SLC30A8: variants seen among roughly 807,000 people sequenced by gnomAD.
The protein encoded by SLC30A8 is proton-coupled zinc antiporter SLC30A8.
In SLC30A8, 27 loss-of-function variants were observed where a neutral mutation model predicts 36.9. The ratio of observed to expected loss-of-function variants is 0.73; its 90% CI spans 0.54 to 1.01. SLC30A8 has a LOEUF of 1.01. Among genes scored for constraint, SLC30A8 ranks in the 50% least tolerant of loss-of-function variants. The probability of loss-of-function intolerance (pLI) is 0.00; values close to 1 mark genes in which losing one functional copy is unlikely to be tolerated. For missense variants in SLC30A8, 439 were observed against 452.0 expected, an observed-to-expected ratio of 0.97 and a Z score of 0.26; for synonymous variants, 164 against 172.4, an observed-to-expected ratio of 0.95 and a Z score of 0.38.
At chr8:117,031,154 C>T (rs1325215506) in intron 1 of SLC30A8, among the ~76,000 whole-genome samples, 1 of 152,160 alleles carries the variant, frequency 6.6e-6, no homozygotes, top group Non-Finnish European at 1.5e-5. Context: ...CATAAAGCCT[C>T]TTATCAAGAA....
At chr8:116,961,155 C>A (rs558659451) in intron 1 of SLC30A8, among the ~76,000 whole-genome samples, 5 of 152,154 alleles carry the variant, frequency 3.3e-5, no homozygotes, top group African/African-American at 1.2e-4. Context: ...ATGGGCCAGG[C>A]GCGGTGGCTC....
intron 1 of SLC30A8, among the ~76,000 whole-genome samples, chr8:117,013,955 C>T (rs376502348): frequency 6.6e-6 from 1 of 151,906 alleles, no homozygotes. Flanking sequence ...AATCCTTCAC[C>T]CTTAATACAG....
intron 2 of SLC30A8, among the ~76,000 whole-genome samples, chr8:117,059,577 T>C (rs1298269253): frequency 6.6e-6 from 1 of 152,200 alleles, no homozygotes; most frequent in African/African-American, 2.4e-5. Context: ...TACTCATGAA[T>C]AATATGCAGA....
At chr8:117,025,179 A>G (rs1816836252) in intron 1 of SLC30A8, among the ~76,000 whole-genome samples, 1 of 152,230 alleles carries the variant, frequency 6.6e-6, no homozygotes, top group Non-Finnish European at 1.5e-5. Flanking sequence ...TAGCTACAGA[A>G]CTGTAGCCTT....
chr8:117,063,659 A>G (rs1447199864), intron 2 of SLC30A8, among the ~76,000 whole-genome samples: 1 of 152,248 alleles, frequency 6.6e-6, no homozygotes, highest in African/African-American at 2.4e-5. Flanking sequence ...AAAGTGGGAC[A>G]GAAAATTCTA....
chr8:117,036,379 G>C (rs914995721), intron 1 of SLC30A8, among the ~76,000 whole-genome samples: 2 of 152,108 alleles, frequency 1.3e-5, no homozygotes, highest in Admixed American at 1.3e-4. Context: ...CAGTTCTAAA[G>C]CTACTTGCAC....
At chr8:116,972,850 T>TA in intron 1 of SLC30A8, among the ~76,000 whole-genome samples, 1 of 152,284 alleles carries the variant, frequency 6.6e-6, no homozygotes, top group East Asian at 1.9e-4. Context: ...TCCTTATTAG[T>TA]AAAAAAGCCC....
rs535722728 is a variant in SLC30A8 at position 117,043,947 on chromosome 8, A to C, written c.-226+4689A>C. Among the ~76,000 whole-genome samples, 8 of 152,382 alleles carry C rather than the reference A, an allele frequency of 5.2e-5. No individual in the cohort carries two copies. The East Asian group carries it at 1.5e-3, about 29-fold the overall frequency. ...TACAGGCTATAAGGTAAACTAAGTC[A>C]GATGGAGACACTGCCTTTGAGGAGC... is the stretch of plus-strand genomic sequence containing the variant. On this transcript the variant is annotated intron_variant, in intron 2 of 10. Transcript: ENST00000427715.
At chr8:117,143,168 T>C (rs1244251037) in intron 1 of SLC30A8, among the ~76,000 whole-genome samples, 1 of 152,146 alleles carries the variant, frequency 6.6e-6, no homozygotes, top group Non-Finnish European at 1.5e-5. Context: ...CAAAAAAACA[T>C]TAAAAAATAA....
In SLC30A8 at chr8:117,172,540, C is replaced by T. The variant is rs747315976; in HGVS notation, c.969C>T (p.Ala323=). The T allele has an allele frequency of 9.3e-6, 15 of 1,613,508 alleles. No homozygotes were observed. In the East Asian group the frequency reaches 2.7e-4, roughly 29 times the overall value. ...CCTGTGCTTCTTTATCAACAGCAGC[C>T]AGCCGGGACAGCCAAGTGGTTCGGA... ...VILSAHVATA[A]SRDSQVVRRE... The change falls in exon 8 of 8, where the codon GCC becomes GCT. Residue 323 remains alanine, a synonymous_variant. Transcript: ENST00000456015.
intron 2 of SLC30A8, among the ~76,000 whole-genome samples, chr8:117,125,974 G>A (rs530626457): frequency 6.6e-6 from 1 of 151,974 alleles, no homozygotes; most frequent in African/African-American, 2.4e-5. Flanking sequence ...AGAGTTTTTT[G>A]TTTTCTCCCA....
At chr8:117,098,002 TA>T (rs1297813874) in intron 2 of SLC30A8, among the ~76,000 whole-genome samples, 1 of 129,206 alleles carries the variant, frequency 7.7e-6, no homozygotes, top group East Asian at 2.1e-4. Context: ...AATAAATATA[TA>T]ATATATATTT....
At chr8:117,024,588 G>T (rs1295043183) in intron 1 of SLC30A8, among the ~76,000 whole-genome samples, 1 of 152,146 alleles carries the variant, frequency 6.6e-6, no homozygotes, top group Non-Finnish European at 1.5e-5. Flanking sequence ...GCAGGTCCAT[G>T]GGCATATGGT....
chr8:117,069,297 G>A (rs1428007304), intron 2 of SLC30A8, among the ~76,000 whole-genome samples: 1 of 152,152 alleles, frequency 6.6e-6, no homozygotes, highest in African/African-American at 2.4e-5. Context: ...GTATATCGTG[G>A]TGTTCCAAAA....
At chr8:117,124,468 G>A (rs1318385883) in intron 2 of SLC30A8, among the ~76,000 whole-genome samples, 2 of 151,876 alleles carry the variant, frequency 1.3e-5, no homozygotes, top group Admixed American at 1.3e-4. Context: ...TTCCACACAG[G>A]CTTTCATGGT....
intron 1 of SLC30A8, among the ~76,000 whole-genome samples, chr8:116,951,421 G>A (rs371385845): frequency 1.3e-5 from 2 of 152,256 alleles, no homozygotes. Flanking sequence ...CCCCTGGCAA[G>A]GATTGCTATC....
chr8:117,109,670 A>G (rs1032779884), intron 2 of SLC30A8, among the ~76,000 whole-genome samples: 1 of 152,206 alleles, frequency 6.6e-6, no homozygotes, highest in Admixed American at 6.5e-5. Flanking sequence ...TGAAACACCC[A>G]TTTAAACTGC....
chr8:117,089,033 G>T (rs568758694), intron 2 of SLC30A8, among the ~76,000 whole-genome samples: 1 of 152,198 alleles, frequency 6.6e-6, no homozygotes, highest in East Asian at 1.9e-4. Flanking sequence ...TCACCGTGTT[G>T]GTGTCTTCCT....
intron 1 of SLC30A8, among the ~76,000 whole-genome samples, chr8:117,145,793 C>T (rs1254647426): frequency 6.6e-6 from 1 of 152,130 alleles, no homozygotes; most frequent in Non-Finnish European, 1.5e-5. Context: ...CAGGCAATTA[C>T]TTAAACTTCC....
Sources: gnomAD v4.1 joint callset for allele counts (sites outside exome capture counted in the v4.1 genomes callset) on GRCh38, gnomAD v4.1.1 for gene constraint, MANE v1.5 for transcripts, NCBI Gene and HGNC (gene_info 2026-07-23, HGNC 2026-07-21) for gene names.